PRR16: variants seen among roughly 807,000 people sequenced by gnomAD.
PRR16 encodes protein Largen.
A neutral mutation model predicts 18.2 loss-of-function variants in PRR16; 6 were observed. The observed-to-expected ratio is 0.33, with a 90% CI of 0.18 to 0.65. The LOEUF (loss-of-function observed/expected upper bound fraction) is 0.65. PRR16 is among the 30% of genes least tolerant of loss of function. The probability of loss-of-function intolerance (pLI) is 0.74; values close to 1 mark genes in which losing one functional copy is unlikely to be tolerated. For synonymous variants in PRR16, 151 were observed against 147.8 expected, an observed-to-expected ratio of 1.02 and a Z score of -0.16; for missense variants, 412 against 376.6, an observed-to-expected ratio of 1.09 and a Z score of -0.78.
At chr5:120,752,722 A>C in the PRR16 span, among the ~76,000 whole-genome samples, 1 of 151,938 alleles carries the variant, frequency 6.6e-6, no homozygotes. Context: ...TTTGGTTATA[A>C]GTTTCTATTT....
At chr5:120,604,098 A>C (rs575260704) in intron 1 of PRR16, among the ~76,000 whole-genome samples, 11 of 143,518 alleles carry the variant, frequency 7.7e-5, no homozygotes, top group South Asian at 6.5e-4. Context: ...TTTAGGTCCC[A>C]AATTTTTTTT....
the PRR16 span, among the ~76,000 whole-genome samples, chr5:120,768,475 T>C: frequency 5.3e-5 from 8 of 151,660 alleles, no homozygotes; most frequent in East Asian, 1.9e-4. Flanking sequence ...ATAGAATTTA[T>C]TGACTTTCCG....
the PRR16 span, among the ~76,000 whole-genome samples, chr5:120,752,430 A>AG: frequency 6.6e-6 from 1 of 152,082 alleles, no homozygotes; most frequent in African/African-American, 2.4e-5. Context: ...GAAGGTGAGG[A>AG]GGGACAGTAA....
At chr5:120,762,801 TTC>T in the PRR16 span, among the ~76,000 whole-genome samples, 1 of 152,152 alleles carries the variant, frequency 6.6e-6, no homozygotes, top group Non-Finnish European at 1.5e-5. Flanking sequence ...ATTAGTCTAT[TTC>T]TGTTTTTGTT....
the PRR16 span, among the ~76,000 whole-genome samples, chr5:120,700,242 C>A: frequency 8.6e-4 from 131 of 152,082 alleles, 1 homozygote; most frequent in African/African-American, 2.8e-3. Flanking sequence ...GGGGCATTGT[C>A]AGGAGAGTTT....
chr5:120,475,103 A>C (rs1749398261), intron 1 of PRR16, among the ~76,000 whole-genome samples: 1 of 152,174 alleles, frequency 6.6e-6, no homozygotes, highest in Admixed American at 6.5e-5. Flanking sequence ...GACTATTGTG[A>C]GTTAACTCAC....
intron 1 of PRR16, among the ~76,000 whole-genome samples, chr5:120,592,041 A>T (rs1240716537): frequency 6.6e-6 from 1 of 151,472 alleles, no homozygotes; most frequent in South Asian, 2.1e-4. Context: ...TTGAATCTTT[A>T]TGTAGCATTT....
chr5:120,528,055 G>A (rs1265878255), intron 1 of PRR16, among the ~76,000 whole-genome samples: 1 of 152,146 alleles, frequency 6.6e-6, no homozygotes, highest in Non-Finnish European at 1.5e-5. Context: ...ATGGAGAGGT[G>A]TACAGAAGTC....
chr5:120,765,875 C>G, the PRR16 span, among the ~76,000 whole-genome samples: 1 of 151,938 alleles, frequency 6.6e-6, no homozygotes, highest in Non-Finnish European at 1.5e-5. Flanking sequence ...CCTTTTATAA[C>G]TAACTTATTT....
intron 1 of PRR16, among the ~76,000 whole-genome samples, chr5:120,483,510 C>A (rs2112813633): frequency 6.6e-6 from 1 of 152,214 alleles, no homozygotes; most frequent in East Asian, 1.9e-4. Context: ...ATACATTTGA[C>A]ATTATTTCTC....
intron 1 of PRR16, among the ~76,000 whole-genome samples, chr5:120,538,523 A>G (rs1751802044): frequency 6.6e-6 from 1 of 152,254 alleles, no homozygotes; most frequent in South Asian, 2.1e-4. Context: ...AAACATTAAT[A>G]TATGCTATTA....
At chr5:120,550,207 C>T (rs1260174912) in intron 1 of PRR16, among the ~76,000 whole-genome samples, 1 of 152,004 alleles carries the variant, frequency 6.6e-6, no homozygotes, top group Admixed American at 6.6e-5. Context: ...GCTTAATAAC[C>T]ACTCTAAATA....
the PRR16 span, among the ~76,000 whole-genome samples, chr5:120,732,803 TC>T: frequency 2.0e-5 from 3 of 152,122 alleles, no homozygotes; most frequent in Non-Finnish European, 4.4e-5. Context: ...GATTCTAATG[TC>T]CCTTCCAAAG....
intron 1 of PRR16, among the ~76,000 whole-genome samples, chr5:120,516,790 C>G (rs1751012214): frequency 6.6e-6 from 1 of 152,100 alleles, no homozygotes; most frequent in African/African-American, 2.4e-5. Context: ...ATATTTTGCA[C>G]CATAGACTAA....
chr5:120,678,081 T>C (rs1756862606), intron 1 of PRR16, among the ~76,000 whole-genome samples: 1 of 152,052 alleles, frequency 6.6e-6, no homozygotes, highest in Non-Finnish European at 1.5e-5. Context: ...GGCTAATTTT[T>C]TGTATTTTTA....
At chr5:120,559,057 G>A (rs1400357597) in intron 1 of PRR16, among the ~76,000 whole-genome samples, 1 of 151,644 alleles carries the variant, frequency 6.6e-6, no homozygotes, top group African/African-American at 2.4e-5. Flanking sequence ...TTGTCAGATG[G>A]GTAGTTTGCA....
At chr5:120,600,067 C>T (rs937379278) in intron 1 of PRR16, among the ~76,000 whole-genome samples, 3 of 151,884 alleles carry the variant, frequency 2.0e-5, no homozygotes, top group Non-Finnish European at 4.4e-5. Context: ...CATAACACTT[C>T]TGATTAAGTT....
intron 1 of PRR16, among the ~76,000 whole-genome samples, chr5:120,594,558 T>C (rs1290153644): frequency 6.6e-6 from 1 of 152,092 alleles, no homozygotes; most frequent in African/African-American, 2.4e-5. Context: ...TTCAATGCTA[T>C]TCCTATAAAA....
At chr5:120,544,589 G>A (rs1752018243) in intron 1 of PRR16, among the ~76,000 whole-genome samples, 2 of 151,846 alleles carry the variant, frequency 1.3e-5, no homozygotes, top group South Asian at 4.1e-4. Context: ...TAATACAATT[G>A]TGTTTTCTAT....
Sources: allele counts gnomAD v4.1 joint callset (sites outside exome capture counted in the v4.1 genomes callset), GRCh38; gene constraint gnomAD v4.1.1; transcripts MANE v1.5; gene names NCBI Gene and HGNC (gene_info 2026-07-23, HGNC 2026-07-21).